GUCA2B: variants seen among roughly 807,000 people sequenced by gnomAD.
GUCA2B encodes prepro-uroguanylin.
In GUCA2B, 7 loss-of-function variants were observed where a neutral mutation model predicts 11.1. That is an observed-to-expected ratio of 0.63 (90% confidence interval 0.36 to 1.18). The LOEUF is 1.18. Ranked by LOEUF, GUCA2B falls within the 50% of genes most tolerant of loss-of-function variation. GUCA2B has a pLI of 0.02. For missense variants in GUCA2B, 140 were observed against 142.5 expected (o/e 0.98, Z 0.09); for synonymous variants, 69 against 65.3 (o/e 1.06, Z -0.27).
In GUCA2B at chr1:42,154,756, G is replaced by T. The variant is rs377371501; in HGVS notation, c.167G>T (p.Arg56Leu). The change falls in exon 2 of 3, where the codon CGC becomes CTC. Residue 56 changes from arginine to leucine, a missense_variant. Physicochemically the swap from Arg to Leu is moderately radical, Grantham distance 102. Coordinates refer to ENST00000372581, the MANE Select transcript of GUCA2B (RefSeq NM_007102.3). ...GAGGCACAGTGGGCACCCAGCCCCC[G>T]CCTGCAGGCCCAGAGCCTCCTGCCC... Reference protein sequence around the residue: ...DLEAQWAPSPRLQAQSLLPAV... With the variant: ...DLEAQWAPSPLLQAQSLLPAV... 2.5e-6 allele frequency: 4 copies of T among 1,613,790 alleles called. No individual in the cohort carries two copies. The African/African-American group carries it at 5.3e-5, about 22-fold the overall frequency.
At chr1:42,153,580 C>T (rs373673556) in intron 1 of GUCA2B, 40 bp downstream of exon 1, 1 of 1,414,970 alleles carries the variant, frequency 7.1e-7, no homozygotes, top group Non-Finnish European at 9.9e-7. Context: ...CTGAAGGGCC[C>T]CATGGTGGGA....
At chr1:42,154,968 G>A in intron 2 of GUCA2B, 102 bp downstream of exon 2, 1 of 882,130 alleles carries the variant, frequency 1.1e-6, no homozygotes, top group East Asian at 2.5e-5. Flanking sequence ...CTGAGGATGG[G>A]GAGATTCAAG....
In GUCA2B at chr1:42,154,672, G is replaced by C; in HGVS notation, c.91-8G>C. The C allele has an allele frequency of 1.9e-6, 3 of 1,612,960 alleles. No individual in the cohort carries two copies. Among genetic ancestry groups the C allele is most frequent in the Non-Finnish European group, 2.5e-6 (3 of 1,178,920 alleles). On this transcript the variant is annotated splice_region_variant and splice_polypyrimidine_tract_variant and intron_variant, in intron 1 of 2. Transcript: ENST00000372581. ...GACCTGCTCCTATCTCCTCTCCCCT[G>C]TCTGTAGTACCAAGGCTTCCGGGTC...
At chr1:42,155,409 T>A in intron 2 of GUCA2B, 126 bp from the exon 3 acceptor site, 2 of 777,390 alleles carry the variant, frequency 2.6e-6, no homozygotes, top group Non-Finnish European at 4.5e-6. Context: ...AAGCCCTCAC[T>A]CCACCTCTAG....
In GUCA2B at chr1:42,154,676, G is replaced by T. The variant is rs1346577590; in HGVS notation, c.91-4G>T. Reference sequence around the variant, plus strand: ...TGCTCCTATCTCCTCTCCCCTGTCTGTAGTACCAAGGCTTCCGGGTCCAGC... The same window carrying T: ...TGCTCCTATCTCCTCTCCCCTGTCTTTAGTACCAAGGCTTCCGGGTCCAGC... On this transcript the variant is annotated splice_region_variant and splice_polypyrimidine_tract_variant and intron_variant, in intron 1 of 2. Transcript: ENST00000372581. The T allele has an allele frequency of 1.9e-6, 3 of 1,613,300 alleles. No homozygotes were observed. In the South Asian group the frequency reaches 3.3e-5, roughly 18 times the overall value.
In GUCA2B at chr1:42,153,501, C is replaced by CCTG. The variant is rs749539273; in HGVS notation, c.62_64dup (p.Leu21dup). 125 of 1,609,636 alleles carry CCTG rather than the reference C, an allele frequency of 7.8e-5. 1 individual carries two copies. The African/African-American group carries it at 1.5e-3, about 19-fold the overall frequency. On this transcript the variant is annotated inframe_insertion, in exon 1 of 3. Transcript: ENST00000372581. ...TCCTGCCAGGAGTGGCCGTGGTCCTCCTGCTGCTGCTGCAGAGCACACAGT... is the reference window on the plus strand; with the variant it reads ...TCCTGCCAGGAGTGGCCGTGGTCCTCCTGCTGCTGCTGCTGCAGAGCACACAGT...
Position 42,155,649 on chromosome 1 carries a change from C to A in GUCA2B, c.*53C>A. 1 of 1,382,484 alleles carries A rather than the reference C, an allele frequency of 7.2e-7. No homozygotes were observed. The highest frequency in any genetic ancestry group is 2.3e-5 in the East Asian group (1 of 43,820). The allele number at this position is 1,382,484 out of a possible 1,614,324, so 85.6% of individuals were successfully genotyped here. On this transcript the variant is annotated 3_prime_UTR_variant, in exon 3 of 3. Coordinates refer to ENST00000372581, the MANE Select transcript of GUCA2B (RefSeq NM_007102.3). ...AGGGACACCTCGCCCTTCAGCCCAC[C>A]ACCCTGGCAGGCTTCCATCCCCGTC... is the stretch of plus-strand genomic sequence containing the variant.
rs1216835590 is a variant in GUCA2B, at chr1:42,154,799, T to A, written c.210T>A (p.Pro70=). ...TCCTGCCCGCCGTGTGCCACCACCCTGCTCTGCCTCAGGACCTTCAGCCTG... is the reference window on the plus strand; with the variant it reads ...TCCTGCCCGCCGTGTGCCACCACCCAGCTCTGCCTCAGGACCTTCAGCCTG... The part of the protein sequence containing the change: ...QSLLPAVCHH[P]ALPQDLQPVC... The change falls in exon 2 of 3, where the codon CCT becomes CCA. Residue 70 remains proline (P), a synonymous_variant. Transcript: ENST00000372581. 1 of 1,613,994 alleles carries A rather than the reference T, an allele frequency of 6.2e-7. No individual in the cohort carries two copies. Among genetic ancestry groups the A allele is most frequent in the African/African-American group, 1.3e-5 (1 of 74,944 alleles).
Position 42,155,593 on chromosome 1 carries a change from C to A in GUCA2B, c.336C>A (p.Leu112=). The change falls in exon 3 of 3, where the codon CTC becomes CTA. Residue 112 remains leucine, a synonymous_variant. Transcript: ENST00000372581. The stretch of plus-strand genomic sequence containing the variant: ...TGAACGTTGCGTGTACCGGCTGCCT[C>A]TGAGATAGCCCTGGGTACCCTGAGC... ...LCVNVACTGC[L] is the part of the protein sequence containing the mutation. 6.2e-7 allele frequency: 1 copy of A among 1,613,016 alleles called. No individual in the cohort carries two copies. Among genetic ancestry groups the A allele is most frequent in the Non-Finnish European group, 8.5e-7 (1 of 1,178,928 alleles).
In GUCA2B at chr1:42,155,720, C is replaced by T. The variant is rs774960765; in HGVS notation, c.*124C>T. On this transcript the variant is annotated 3_prime_UTR_variant, in exon 3 of 3. Transcript: ENST00000372581. ...GGCCACCATGGTCATCACCACCCTTCCAGGGCCTGAGCAGCTGGATCTGGT... is the reference window on the plus strand; with the variant it reads ...GGCCACCATGGTCATCACCACCCTTTCAGGGCCTGAGCAGCTGGATCTGGT... The T allele has an allele frequency of 1.8e-4, 139 of 792,590 alleles. 3 individuals are homozygous for T. The highest frequency in any genetic ancestry group is 1.7e-3 in the Middle Eastern group (6 of 3,432). The allele number at this position is 792,590 out of a possible 1,614,324, so 49.1% of individuals were successfully genotyped here.
rs781213638 is a variant in GUCA2B at position 42,155,555 on chromosome 1, T to G, written c.298T>G (p.Cys100Gly). Residue 100 changes from cysteine (C) to glycine (G), a missense_variant, in exon 3 of 3, where the codon TGT (cysteine) becomes GGT (glycine). Cys to Gly is a radical substitution (Grantham distance 159). Transcript: ENST00000372581. ...KTLRTIANDD[C>G]ELCVNVACTG... is the part of the protein sequence containing the mutation. ...CCCAGGGACCATCGCTAACGACGAC[T>G]GTGAGCTGTGTGTGAACGTTGCGTG... 1.2e-6 allele frequency: 2 copies of G among 1,614,102 alleles called. No individual in the cohort carries two copies. Among genetic ancestry groups the G allele is most frequent in the Admixed American group, 3.3e-5 (2 of 60,022 alleles).
At position 42,154,819 on chromosome 1, in the gene GUCA2B, A is replaced by T. The variant is rs540940140; in HGVS notation, c.230A>T (p.Gln77Leu). ...CACCCTGCTCTGCCTCAGGACCTTCAGCCTGTCTGCGCCTCGCAGGAGGCT... is the reference window on the plus strand; with the variant it reads ...CACCCTGCTCTGCCTCAGGACCTTCTGCCTGTCTGCGCCTCGCAGGAGGCT... ...CHHPALPQDL[Q>L]PVCASQEASS... Residue 77 changes from glutamine (Q) to leucine (L), a missense_variant, in exon 2 of 3, where the codon CAG becomes CTG. Physicochemically the swap from Gln to Leu is moderately radical, Grantham distance 113 (BLOSUM62 -2). Transcript: ENST00000372581. 9.9e-6 allele frequency: 16 copies of T among 1,614,048 alleles called. No individual in the cohort carries two copies. The highest frequency in any genetic ancestry group is 5.3e-5 in the African/African-American group (4 of 75,058).
rs531643305 is a variant in GUCA2B, at chr1:42,155,586, G to A, written c.329G>A (p.Gly110Asp). Reference sequence around the variant, plus strand: ...CTGTGTGTGAACGTTGCGTGTACCGGCTGCCTCTGAGATAGCCCTGGGTAC... The same window carrying A: ...CTGTGTGTGAACGTTGCGTGTACCGACTGCCTCTGAGATAGCCCTGGGTAC... ...CELCVNVACTGCL is the reference protein window; with the variant it reads ...CELCVNVACTDCL Residue 110 changes from glycine (G) to aspartate (D), a missense_variant, in exon 3 of 3, where the codon GGC becomes GAC. Transcript: ENST00000372581. 1 of 1,613,454 alleles carries A rather than the reference G, an allele frequency of 6.2e-7. No homozygotes were observed. Among genetic ancestry groups the A allele is most frequent in the Non-Finnish European group, 8.5e-7 (1 of 1,179,358 alleles).
Position 42,155,674 on chromosome 1 carries a change from C to T in GUCA2B, c.*78C>T. The T allele has an allele frequency of 8.9e-7, 1 of 1,128,530 alleles. No individual in the cohort carries two copies. The highest frequency in any genetic ancestry group is 1.4e-6 in the Non-Finnish European group (1 of 737,240). 69.9% of individuals were successfully genotyped at this position (1,128,530 alleles called of 1,614,324 possible). A position where few individuals can be genotyped will look rare whatever the true frequency, so the allele number is the denominator to read the frequency against. On this transcript the variant is annotated 3_prime_UTR_variant, in exon 3 of 3. Transcript: ENST00000372581. ...CACCCTGGCAGGCTTCCATCCCCGTCCATGCTCAAGATGGGTCCCTGGCCA... is the reference window on the plus strand; with the variant it reads ...CACCCTGGCAGGCTTCCATCCCCGTTCATGCTCAAGATGGGTCCCTGGCCA...
chr1:42,153,680 G>A (rs1646094713), intron 1 of GUCA2B, 140 bp downstream of exon 1: 1 of 626,356 alleles, frequency 1.6e-6, no homozygotes, highest in African/African-American at 1.8e-5. Flanking sequence ...TCACAGCCCA[G>A]AGACCAAGGC....
chr1:42,153,946 C>T, intron 1 of GUCA2B, among the ~76,000 whole-genome samples: 1 of 152,178 alleles, frequency 6.6e-6, no homozygotes, highest in Non-Finnish European at 1.5e-5. Context: ...AGAAGTAACC[C>T]TTGAGCTGGC....
At position 42,154,688 on chromosome 1, in the gene GUCA2B, C is replaced by T. The variant is rs1459724025; in HGVS notation, c.99C>T (p.Gly33=). 7 of 1,613,874 alleles carry T rather than the reference C, an allele frequency of 4.3e-6. No individual in the cohort carries two copies. Among genetic ancestry groups the T allele is most frequent in the Non-Finnish European group, 5.9e-6 (7 of 1,179,718 alleles). ...CTCTCCCCTGTCTGTAGTACCAAGG[C>T]TTCCGGGTCCAGCTGGAATCCATGA... ...STQSVYIQYQ[G]FRVQLESMKK... is the part of the protein sequence containing the mutation. The change falls in exon 2 of 3, where the codon GGC becomes GGT. Residue 33 remains glycine (G), a synonymous_variant. Transcript: ENST00000372581.
intron 2 of GUCA2B, among the ~76,000 whole-genome samples, chr1:42,155,290 C>A (rs1646104109): frequency 6.6e-6 from 1 of 152,222 alleles, no homozygotes; most frequent in Non-Finnish European, 1.5e-5. Context: ...CCTGCATTAT[C>A]TCCTCACAGT....
chr1:42,154,105 A>AGCAG (rs369100858), intron 1 of GUCA2B, among the ~76,000 whole-genome samples: 4 of 152,302 alleles, frequency 2.6e-5, no homozygotes, highest in African/African-American at 9.6e-5. Flanking sequence ...TAGTCGTCAC[A>AGCAG]GCAGGGCCTG....
Sources: allele counts gnomAD v4.1 joint callset (sites outside exome capture counted in the v4.1 genomes callset), GRCh38; gene constraint gnomAD v4.1.1; transcripts MANE v1.5; gene names NCBI Gene and HGNC (gene_info 2026-07-23, HGNC 2026-07-21).